The following PCNT variants were observed in gnomAD, a reference collection of about 807,000 sequenced individuals.
PCNT encodes kendrin.
PCNT carries 319 observed loss-of-function variants against 380.4 expected under a neutral mutation model. The ratio of observed to expected loss-of-function variants is 0.84; its 90% CI spans 0.77 to 0.92. The LOEUF is 0.92. Among genes scored for constraint, PCNT ranks in the 40% least tolerant of loss-of-function variants. The pLI, the probability that PCNT is intolerant of heterozygous loss-of-function variation, is 0.00. For missense variants in PCNT, 4,400 were observed against 4,255.3 expected, an observed-to-expected ratio of 1.03 and a Z score of -0.95; for synonymous variants, 1,845 against 1,735.2, an observed-to-expected ratio of 1.06 and a Z score of -1.57.
At position 46,391,145 on chromosome 21, in the gene PCNT, A is replaced by G; in HGVS notation, c.4004-19A>G. 6.4e-7 allele frequency: 1 copy of G among 1,561,114 alleles called. No individual in the cohort carries two copies. ...CACCCAGGACTGGCTTTGTCAGAGC[A>G]TCTGTGTCTCCCACAAAGGTACCCT... On this transcript the variant is annotated intron_variant, in intron 20 of 46. Coordinates refer to ENST00000359568, the MANE Select transcript of PCNT (RefSeq NM_006031.6).
intron 35 of PCNT, 98 bp downstream of exon 35, chr21:46,428,688 C>A: frequency 1.9e-6 from 2 of 1,075,922 alleles, no homozygotes; most frequent in Non-Finnish European, 2.7e-6. Context: ...GGTGACAGGG[C>A]ATCATCTAGT....
At position 46,430,544 on chromosome 21, in the gene PCNT, G is replaced by A. The variant is rs760162051; in HGVS notation, c.7951G>A (p.Ala2651Thr). ...CAGTAAGGAGAACGAGCTGAAGGCC[G>A]CGCTTCAGGAGCTGGAGAGTGAGCA... The part of the protein sequence containing the change: ...LSSKENELKA[A>T]LQELESEQGK... The change falls in exon 37 of 47, where the codon GCG becomes ACG. Residue 2651 changes from alanine (A) to threonine (T), a missense_variant. Coordinates refer to ENST00000359568, the MANE Select transcript of PCNT (RefSeq NM_006031.6). 27 of 1,555,122 alleles carry A rather than the reference G, an allele frequency of 1.7e-5. No individual in the cohort carries two copies. The highest frequency in any genetic ancestry group is 7.8e-5 in the Admixed American group (4 of 51,572).
At chr21:46,400,999 G>A (rs188716077) in intron 25 of PCNT, among the ~76,000 whole-genome samples, 8 of 152,300 alleles carry the variant, frequency 5.3e-5, no homozygotes, top group Admixed American at 1.3e-4. Flanking sequence ...GCTCCAGGGC[G>A]GCTTCACCCC....
rs557736988 is a variant in PCNT, at chr21:46,367,154, C to A, written c.3165+15C>A. On this transcript the variant is annotated intron_variant, in intron 15 of 46. Coordinates refer to ENST00000359568, the MANE Select transcript of PCNT (RefSeq NM_006031.6). Reference sequence around the variant, plus strand: ...GAGTGCACCAGGTAAGGCGCCAGGGCCCTGCCCCAGCCCAGGGCAGGCCTC... The same window carrying A: ...GAGTGCACCAGGTAAGGCGCCAGGGACCTGCCCCAGCCCAGGGCAGGCCTC... 181 of 1,608,248 alleles carry A rather than the reference C, an allele frequency of 1.1e-4. 1 individual carries two copies. The South Asian group carries it at 1.8e-3, about 16-fold the overall frequency.
intron 46 of PCNT, among the ~76,000 whole-genome samples, 200 bp from the exon 47 acceptor site, chr21:46,445,084 C>T (rs1208883456): frequency 6.6e-6 from 1 of 152,090 alleles, no homozygotes; most frequent in Non-Finnish European, 1.5e-5. Flanking sequence ...ACATTGATAG[C>T]GAACATAAAG....
In PCNT at chr21:46,366,735, G is replaced by A. The variant is rs1240945336; in HGVS notation, c.2761G>A (p.Ala921Thr). ...QLLSVTAELE[A>T]RHQAALGELT... Reference sequence around the variant, plus strand: ...CCTGTCAGTGACGGCGGAGCTCGAGGCCAGACACCAGGCCGCGTTGGGCGA... The same window carrying A: ...CCTGTCAGTGACGGCGGAGCTCGAGACCAGACACCAGGCCGCGTTGGGCGA... Residue 921 changes from alanine to threonine, a missense_variant, in exon 15 of 47, where the codon GCC (alanine) becomes ACC (threonine). Physicochemically the swap from Ala to Thr is moderately conservative, Grantham distance 58. Coordinates refer to ENST00000359568, the MANE Select transcript of PCNT (RefSeq NM_006031.6). The A allele has an allele frequency of 1.2e-6, 2 of 1,613,588 alleles. No individual in the cohort carries two copies.
intron 2 of PCNT, among the ~76,000 whole-genome samples, chr21:46,333,463 C>T (rs62224207): frequency 2.9e-4 from 43 of 149,684 alleles, no homozygotes; most frequent in Admixed American, 1.2e-3. Flanking sequence ...AAAAATTAGC[C>T]GGGCGTGGTG....
At chr21:46,418,078 T>G in intron 30 of PCNT, 126 bp from the exon 31 acceptor site, 2 of 678,262 alleles carry the variant, frequency 2.9e-6, no homozygotes, top group Non-Finnish European at 2.7e-6. Context: ...TCACCAGTTT[T>G]GAGTTGTTTC....
intron 25 of PCNT, 138 bp downstream of exon 25, chr21:46,399,934 CAGGG>C: frequency 1.3e-6 from 1 of 785,792 alleles, no homozygotes; most frequent in Non-Finnish European, 2.3e-6. Context: ...ACACTGGCGT[CAGGG>C]AGAAACAGAA....
chr21:46,427,917 T>C (rs1236938649), intron 34 of PCNT, 122 bp downstream of exon 34: 2 of 1,100,076 alleles, frequency 1.8e-6, no homozygotes. Flanking sequence ...ACCGCTGGAA[T>C]GTGGCTGTCA....
intron 2 of PCNT, among the ~76,000 whole-genome samples, chr21:46,330,790 C>T (rs1391058913): frequency 6.6e-6 from 1 of 152,174 alleles, no homozygotes; most frequent in Non-Finnish European, 1.5e-5. Context: ...AAGCTAGCAG[C>T]TGGTGGCCGT....
intron 32 of PCNT, among the ~76,000 whole-genome samples, chr21:46,423,557 T>A (rs2087344090): frequency 6.6e-6 from 1 of 151,328 alleles, no homozygotes; most frequent in African/African-American, 2.4e-5. Context: ...GAAAACAACC[T>A]AATATTAGAA....
At chr21:46,359,835 G>A (rs2084640539) in intron 13 of PCNT, among the ~76,000 whole-genome samples, 1 of 151,108 alleles carries the variant, frequency 6.6e-6, no homozygotes, top group South Asian at 2.1e-4. Context: ...CATTTTGTCT[G>A]GTGTATCTTT....
intron 2 of PCNT, among the ~76,000 whole-genome samples, chr21:46,333,786 C>T (rs1245130589): frequency 2.7e-5 from 4 of 148,652 alleles, no homozygotes; most frequent in Admixed American, 6.8e-5. Flanking sequence ...TTCAGTGAGC[C>T]GAGTTCGTGC....
intron 27 of PCNT, among the ~76,000 whole-genome samples, chr21:46,408,921 A>C (rs1301934266): frequency 1.3e-5 from 2 of 151,584 alleles, no homozygotes; most frequent in African/African-American, 4.9e-5. Context: ...ACGGGGTTTC[A>C]TCACGTTGGC....
chr21:46,398,517 C>T (rs762562901), intron 24 of PCNT, among the ~76,000 whole-genome samples: 2 of 152,252 alleles, frequency 1.3e-5, no homozygotes, highest in East Asian at 1.9e-4. Flanking sequence ...TCCACAGAGC[C>T]GGAATGCAGT....
chr21:46,350,371 A>G (rs878944433), intron 8 of PCNT, among the ~76,000 whole-genome samples: 1 of 152,138 alleles, frequency 6.6e-6, no homozygotes, highest in Admixed American at 6.6e-5. Context: ...GTAAGGCCAC[A>G]TCCTCTAACC....
At position 46,445,612 on chromosome 21, in the gene PCNT, C is replaced by T; in HGVS notation, c.*285C>T. On this transcript the variant is annotated 3_prime_UTR_variant, in exon 47 of 47. Transcript: ENST00000359568. The stretch of plus-strand genomic sequence containing the variant: ...CTGTGTGCTGTTGTGTGCCTATCGG[C>T]AGATCCATCCTTCCTGCCTCCAAGG... 2.2e-6 allele frequency: 1 copy of T among 457,810 alleles called. No individual in the cohort carries two copies. 28.4% of individuals were successfully genotyped at this position (457,810 alleles called of 1,614,324 possible). A position where few individuals can be genotyped will look rare whatever the true frequency, so the allele number is the denominator to read the frequency against.
At chr21:46,431,039 C>G in intron 37 of PCNT, 2 of 985,478 alleles carry the variant, frequency 2.0e-6, no homozygotes, top group Non-Finnish European at 2.4e-6. Flanking sequence ...AGCAGGCCTG[C>G]TGTGGCTTCT....
Sources: gnomAD v4.1 joint callset for allele counts (sites outside exome capture counted in the v4.1 genomes callset) on GRCh38, gnomAD v4.1.1 for gene constraint, MANE v1.5 for transcripts, NCBI Gene and HGNC (gene_info 2026-07-23, HGNC 2026-07-21) for gene names.